The following MYO18B variants were observed in gnomAD, a reference collection of about 807,000 sequenced individuals.
MYO18B encodes the protein myosin XVIIIB, also known as unconventional myosin-XVIIIb.
Under a neutral mutation model 273.0 loss-of-function variants are expected in MYO18B, and 204 were observed. The observed-to-expected ratio is 0.75, with a 90% CI of 0.67 to 0.84. The LOEUF (loss-of-function observed/expected upper bound fraction) is 0.84. MYO18B is among the 40% of genes least tolerant of loss of function. MYO18B has a pLI of 0.00. For missense variants in MYO18B, 3,212 were observed against 3,287.6 expected, an observed-to-expected ratio of 0.98 and a Z score of 0.56; for synonymous variants, 1,330 against 1,305.7, an observed-to-expected ratio of 1.02 and a Z score of -0.40.
At chr22:26,061,320 T>C in the MYO18B span, among the ~76,000 whole-genome samples, 2 of 152,164 alleles carry the variant, frequency 1.3e-5, no homozygotes, top group Non-Finnish European at 2.9e-5. Context: ...GTTGGTTGGA[T>C]CCTGACAGGT....
intron 39 of MYO18B, among the ~76,000 whole-genome samples, chr22:25,963,677 C>G (rs2092945307): frequency 6.6e-6 from 1 of 151,252 alleles, no homozygotes; most frequent in Non-Finnish European, 1.5e-5. Flanking sequence ...TTGAAAAGAG[C>G]ATTGCGCTTG....
In MYO18B at chr22:25,857,456, A is replaced by T. The variant is rs900657306; in HGVS notation, c.3885+5877A>T. Among the ~76,000 whole-genome samples the T allele has an allele frequency of 1.0e-4, 15 of 148,980 alleles. No homozygotes were observed. In the South Asian group the frequency reaches 1.8e-3, roughly 18 times the overall value. On this transcript the variant is annotated intron_variant, in intron 21 of 43. Coordinates refer to ENST00000335473, the MANE Select transcript of MYO18B (RefSeq NM_032608.7). The stretch of plus-strand genomic sequence containing the variant: ...TATTCTGTCTCCCACCCTGGCAGAC[A>T]CTCCCAGTTTCCTGTGAATTCATCT...
chr22:25,752,830 G>T (rs574073343), intron 1 of MYO18B, among the ~76,000 whole-genome samples: 3 of 152,324 alleles, frequency 2.0e-5, no homozygotes, highest in South Asian at 4.1e-4. Context: ...GAGGTGTGGA[G>T]GGAGGGACGC....
intron 34 of MYO18B, among the ~76,000 whole-genome samples, chr22:25,938,194 T>C (rs774182994): frequency 6.6e-6 from 1 of 152,208 alleles, no homozygotes; most frequent in Non-Finnish European, 1.5e-5. Flanking sequence ...TCTCCACACC[T>C]CATTCCATAT....
chr22:25,749,207 A>G (rs1287294769), intron 1 of MYO18B, among the ~76,000 whole-genome samples: 1 of 152,164 alleles, frequency 6.6e-6, no homozygotes, highest in Non-Finnish European at 1.5e-5. Context: ...AGCACCCTCA[A>G]CTGGTATCCT....
chr22:25,772,621 G>A (rs2086764303), intron 7 of MYO18B, 111 bp downstream of exon 7: 1 of 1,109,390 alleles, frequency 9.0e-7, no homozygotes, highest in Non-Finnish European at 1.3e-6. Context: ...CAGTCGACCT[G>A]TCTGCAAGCA....
chr22:26,022,018 C>G (rs79264632), intron 42 of MYO18B, among the ~76,000 whole-genome samples: 1,569 of 152,222 alleles, frequency 0.01, 29 homozygotes, highest in African/African-American at 0.036. Flanking sequence ...GAAGGATATT[C>G]CTTTTTGGAC....
intron 12 of MYO18B, among the ~76,000 whole-genome samples, chr22:25,810,661 C>G (rs951760249): frequency 6.6e-6 from 1 of 151,780 alleles, no homozygotes; most frequent in African/African-American, 2.4e-5. Flanking sequence ...GTCTCAAATT[C>G]CTGGCCTCCA....
At chr22:25,822,317 C>T (rs2089312906) in intron 12 of MYO18B, among the ~76,000 whole-genome samples, 1 of 152,236 alleles carries the variant, frequency 6.6e-6, no homozygotes, top group Non-Finnish European at 1.5e-5. Flanking sequence ...ATAGAACCCA[C>T]TTTGACCACC....
intron 39 of MYO18B, among the ~76,000 whole-genome samples, chr22:25,968,825 C>T (rs189064272): frequency 4.6e-5 from 7 of 152,266 alleles, no homozygotes; most frequent in African/African-American, 7.2e-5. Context: ...TTTTAAAGCT[C>T]TTTCTGCTGA....
chr22:25,989,549 G>A (rs553838851), intron 39 of MYO18B, among the ~76,000 whole-genome samples: 4 of 150,146 alleles, frequency 2.7e-5, no homozygotes, highest in African/African-American at 7.4e-5. Context: ...TTAGGAGGCC[G>A]AGGCGGGTGG....
intron 34 of MYO18B, among the ~76,000 whole-genome samples, chr22:25,929,542 C>G (rs376659350): frequency 2.0e-4 from 30 of 152,320 alleles, no homozygotes; most frequent in East Asian, 1.9e-4. Flanking sequence ...GCAGCAGTTG[C>G]TTTTTCTCTC....
intron 42 of MYO18B, among the ~76,000 whole-genome samples, chr22:26,010,032 A>G (rs1320092714): frequency 6.6e-6 from 1 of 152,196 alleles, no homozygotes; most frequent in Non-Finnish European, 1.5e-5. Context: ...TATCAGGATC[A>G]TTGAGTGGTT....
At chr22:26,060,414 A>C in the MYO18B span, among the ~76,000 whole-genome samples, 1 of 152,222 alleles carries the variant, frequency 6.6e-6, no homozygotes, top group South Asian at 2.1e-4. Flanking sequence ...CTGCTGGTCC[A>C]TGACCTCCTG....
chr22:25,893,833 A>G lies in MYO18B; in HGVS notation c.4544-1323A>G, dbSNP rs574853949. ...CATCCATCCATTTATCCATCTGCCC[A>G]TCTACTCACCCACCTATCCATATAC... On this transcript the variant is annotated intron_variant, in intron 27 of 43. Transcript: ENST00000335473. Among the ~76,000 whole-genome samples, 7 of 151,712 alleles carry G rather than the reference A, an allele frequency of 4.6e-5. No individual in the cohort carries two copies. The East Asian group carries it at 9.7e-4, about 21-fold the overall frequency.
intron 12 of MYO18B, among the ~76,000 whole-genome samples, chr22:25,809,866 A>G (rs1243595550): frequency 1.3e-5 from 2 of 152,292 alleles, no homozygotes; most frequent in East Asian, 1.9e-4. Context: ...GACTGTTAAC[A>G]TAACACAATG....
At chr22:26,028,250 G>GAAAAAAAAAAAA (rs199530121) in intron 43 of MYO18B, 1 of 130,532 alleles carries the variant, frequency 7.7e-6, no homozygotes, top group African/African-American at 2.8e-5. Context: ...CTGTCTCAGG[G>GAAAAAAAAAAAA]AAAAAAAAAA....
intron 42 of MYO18B, among the ~76,000 whole-genome samples, chr22:26,008,801 C>T (rs1040268013): frequency 2.6e-5 from 4 of 152,202 alleles, no homozygotes; most frequent in African/African-American, 7.2e-5. Context: ...CATGCCTGGC[C>T]TCTCCTTCTC....
Position 25,768,164 on chromosome 22 carries a change from C to T in MYO18B, c.248C>T (p.Thr83Ile). 2 of 1,611,980 alleles carry T rather than the reference C, an allele frequency of 1.2e-6. No homozygotes were observed. The highest frequency in any genetic ancestry group is 8.5e-7 in the Non-Finnish European group (1 of 1,178,924). ...SQPNSKSSSG[T>I]RSGSQQISQD... is the part of the protein sequence containing the mutation. ...CCCAACAGCAAGTCCAGCAGTGGCA[C>T]CAGATCTGGAAGCCAGCAGATCTCT... The change falls in exon 4 of 44, where the codon ACC (threonine) becomes ATC (isoleucine). Residue 83 changes from threonine (T) to isoleucine (I), a missense_variant. By Grantham distance (89) the Thr-to-Ile change is moderately conservative. Transcript: ENST00000335473.
Sources: gnomAD v4.1 joint callset for allele counts (sites outside exome capture counted in the v4.1 genomes callset) on GRCh38, gnomAD v4.1.1 for gene constraint, MANE v1.5 for transcripts, NCBI Gene and HGNC (gene_info 2026-07-23, HGNC 2026-07-21) for gene names.